The following TMEM9 variants were observed in gnomAD, a reference collection of about 807,000 sequenced individuals.
TMEM9 encodes proton-transporting V-type ATPase complex assembly regulator TMEM9.
A neutral mutation model predicts 22.8 loss-of-function variants in TMEM9; 13 were observed. That is an observed-to-expected ratio of 0.57 (90% CI 0.37 to 0.91). The LOEUF (loss-of-function observed/expected upper bound fraction) is 0.91, where lower values mean the gene tolerates loss of function less well. TMEM9 is among the 40% of genes least tolerant of loss of function. The pLI, the probability that TMEM9 is intolerant of heterozygous loss-of-function variation, is 0.01. For missense variants in TMEM9, 182 were observed against 238.1 expected, an observed-to-expected ratio of 0.76 and a Z score of 1.55; for synonymous variants, 88 against 93.0, an observed-to-expected ratio of 0.95 and a Z score of 0.31.
chr1:201,140,658 C>G (rs796661629), intron 4 of TMEM9, among the ~76,000 whole-genome samples: 5 of 152,318 alleles, frequency 3.3e-5, no homozygotes, highest in African/African-American at 1.2e-4. Context: ...AAAAAATGCC[C>G]TGACCTCCAG....
At chr1:201,139,552 A>G (rs969455926) in intron 4 of TMEM9, among the ~76,000 whole-genome samples, 2 of 151,834 alleles carry the variant, frequency 1.3e-5, no homozygotes, top group South Asian at 4.2e-4. Context: ...CCTGACATTC[A>G]AGGGCACTCC....
intron 1 of TMEM9, 196 bp downstream of exon 1, chr1:201,153,662 T>C: frequency 7.7e-7 from 1 of 1,292,358 alleles, no homozygotes; most frequent in South Asian, 1.4e-5. Flanking sequence ...GCCCCACCCT[T>C]CCTCACTCCT....
intron 4 of TMEM9, among the ~76,000 whole-genome samples, chr1:201,139,291 C>T (rs781710213): frequency 9.9e-5 from 15 of 152,218 alleles, no homozygotes; most frequent in Non-Finnish European, 1.9e-4. Flanking sequence ...CACTTACCAG[C>T]CACTCAGCAA....
chr1:201,156,271 A>C (rs1665791058), upstream of TMEM9, among the ~76,000 whole-genome samples: 1 of 152,116 alleles, frequency 6.6e-6, no homozygotes, highest in Non-Finnish European at 1.5e-5. Context: ...CATCTTGTCT[A>C]TCCAGGTGTC....
intron 4 of TMEM9, among the ~76,000 whole-genome samples, chr1:201,137,635 C>T (rs1664124996): frequency 6.6e-6 from 1 of 152,100 alleles, no homozygotes; most frequent in Non-Finnish European, 1.5e-5. Context: ...ATTTCATGAC[C>T]TAATGGCTTG....
At chr1:201,165,025 T>C (rs1028184073) in intron 1 of TMEM9, among the ~76,000 whole-genome samples, 5 of 151,712 alleles carry the variant, frequency 3.3e-5, no homozygotes, top group Non-Finnish European at 7.4e-5. Flanking sequence ...AAACAGATTG[T>C]TTGCTTGTTT....
At chr1:201,162,255 T>C (rs995738933) in intron 1 of TMEM9, among the ~76,000 whole-genome samples, 1 of 151,918 alleles carries the variant, frequency 6.6e-6, no homozygotes, top group African/African-American at 2.4e-5. Context: ...TCCAGGCTCT[T>C]GAGTAGCTGG....
chr1:201,164,561 T>C (rs1666028978), intron 1 of TMEM9, among the ~76,000 whole-genome samples: 1 of 152,154 alleles, frequency 6.6e-6, no homozygotes, highest in Non-Finnish European at 1.5e-5. Flanking sequence ...TTTCATATGG[T>C]TCAACCTAAT....
upstream of TMEM9, among the ~76,000 whole-genome samples, chr1:201,155,423 G>T: frequency 6.6e-6 from 1 of 152,216 alleles, no homozygotes; most frequent in Middle Eastern, 3.2e-3. Context: ...CAAGCCCCTC[G>T]CAGGCCCTGT....
intron 2 of TMEM9, 92 bp downstream of exon 2, chr1:201,151,669 A>G: frequency 1.1e-6 from 1 of 892,384 alleles, no homozygotes; most frequent in Non-Finnish European, 1.9e-6. Flanking sequence ...GGAATGGGAG[A>G]GCATGCTTAT....
At chr1:201,162,740 C>T (rs1376767094) in intron 1 of TMEM9, among the ~76,000 whole-genome samples, 2 of 152,070 alleles carry the variant, frequency 1.3e-5, no homozygotes, top group African/African-American at 4.8e-5. Flanking sequence ...GTTAATTGGA[C>T]TTCATCAAAA....
upstream of TMEM9, among the ~76,000 whole-genome samples, chr1:201,159,459 T>G (rs1483830397): frequency 1.3e-5 from 2 of 148,844 alleles, no homozygotes; most frequent in African/African-American, 5.0e-5. Context: ...TGTTTTTGGC[T>G]GGGGTCCCCA....
chr1:201,151,270 AG>A (rs1665407022), intron 2 of TMEM9, among the ~76,000 whole-genome samples: 1 of 152,226 alleles, frequency 6.6e-6, no homozygotes, highest in Non-Finnish European at 1.5e-5. Context: ...TCTTTTTAAA[AG>A]TGAGGTACCC....
In TMEM9 at chr1:201,154,067, TC is replaced by T; in HGVS notation, c.-145del. On this transcript the variant is annotated 5_prime_UTR_variant, in exon 1 of 5. Coordinates refer to ENST00000367330, the MANE Select transcript of TMEM9 (RefSeq NM_001288565.2). Reference sequence around the variant, plus strand: ...GTGGGAATGGGGTTGGGGGCTGGGCTCCAGGATTCCAAGGCCTGCTAAACCT... The same window carrying T: ...GTGGGAATGGGGTTGGGGGCTGGGCTCAGGATTCCAAGGCCTGCTAAACCT... 1.0e-6 allele frequency: 1 copy of T among 968,756 alleles called. No homozygotes were observed. The highest frequency in any genetic ancestry group is 1.7e-5 in the South Asian group (1 of 57,798). The allele number at this position is 968,756 out of a possible 1,614,324, so 60.0% of individuals were successfully genotyped here.
At chr1:201,162,389 G>A (rs139786592) in intron 1 of TMEM9, among the ~76,000 whole-genome samples, 3,332 of 151,682 alleles carry the variant, frequency 0.022, 62 homozygotes, top group Non-Finnish European at 0.035. Context: ...CTCCCACCTC[G>A]GCCTCCCAAA....
At chr1:201,158,476 A>C (rs1403939072), upstream of TMEM9, among the ~76,000 whole-genome samples, 1 of 152,052 alleles carries the variant, frequency 6.6e-6, no homozygotes, top group East Asian at 1.9e-4. Context: ...GAGAGCAAAG[A>C]GATGGGACTG....
At chr1:201,164,163 T>C (rs1237455033) in intron 1 of TMEM9, among the ~76,000 whole-genome samples, 18 of 152,236 alleles carry the variant, frequency 1.2e-4, no homozygotes, top group Admixed American at 1.2e-3. Flanking sequence ...TATGATTCCA[T>C]TTATATAAAT....
At chr1:201,170,523 A>C (rs1274685218) in intron 1 of TMEM9, among the ~76,000 whole-genome samples, 1 of 152,198 alleles carries the variant, frequency 6.6e-6, no homozygotes, top group African/African-American at 2.4e-5. Flanking sequence ...ACATGTCATA[A>C]CTGGGTGCTG....
intron 3 of TMEM9, chr1:201,144,930 G>A (rs1401223306): frequency 9.9e-5 from 15 of 152,198 alleles, no homozygotes; most frequent in African/African-American, 1.4e-4. Context: ...GGCCATTGCC[G>A]GCTTCTGATC....
Sources: gnomAD v4.1 joint callset for allele counts (sites outside exome capture counted in the v4.1 genomes callset) on GRCh38, gnomAD v4.1.1 for gene constraint, MANE v1.5 for transcripts, NCBI Gene and HGNC (gene_info 2026-07-23, HGNC 2026-07-21) for gene names.